ZCCHC7: variants seen among roughly 807,000 people sequenced by gnomAD.
ZCCHC7 encodes zinc finger CCHC-type containing 7.
In ZCCHC7, 35 loss-of-function variants were observed where a neutral mutation model predicts 52.0. The ratio of observed to expected loss-of-function variants is 0.67; its 90% CI spans 0.51 to 0.89. ZCCHC7 has a LOEUF of 0.89. ZCCHC7 is among the 40% of genes least tolerant of loss of function. The pLI is 0.00. For synonymous variants in ZCCHC7, 217 were observed against 221.5 expected, an observed-to-expected ratio of 0.98 and a Z score of 0.18; for missense variants, 574 against 649.1, an observed-to-expected ratio of 0.88 and a Z score of 1.26.
At chr9:37,249,806 T>C (rs1826240400) in intron 2 of ZCCHC7, among the ~76,000 whole-genome samples, 1 of 152,130 alleles carries the variant, frequency 6.6e-6, no homozygotes, top group Non-Finnish European at 1.5e-5. Flanking sequence ...CCACCATAAT[T>C]TATATGATCA....
Position 37,219,910 on chromosome 9 carries a change from G to A in ZCCHC7, c.611-82278G>A, listed in dbSNP as rs145324956. 5.9e-5 allele frequency among the ~76,000 whole-genome samples: 9 copies of A among 152,292 alleles called. No individual in the cohort carries two copies. In the East Asian group the frequency reaches 1.4e-3, roughly 23 times the overall value. On this transcript the variant is annotated intron_variant, in intron 2 of 8. Transcript: ENST00000336755. Reference sequence around the variant, plus strand: ...CAGAATTTGAATAGATATCAAGGACGTCAGGACATTCCTTGGGTGAGGAAG... The same window carrying A: ...CAGAATTTGAATAGATATCAAGGACATCAGGACATTCCTTGGGTGAGGAAG...
chr9:37,264,571 C>T (rs1827013836), intron 2 of ZCCHC7, among the ~76,000 whole-genome samples: 1 of 152,052 alleles, frequency 6.6e-6, no homozygotes, highest in Admixed American at 6.6e-5. Context: ...ATATTTGTTG[C>T]CTCATTAAAT....
intron 2 of ZCCHC7, among the ~76,000 whole-genome samples, chr9:37,221,454 A>G (rs1005182236): frequency 3.9e-5 from 6 of 152,230 alleles, no homozygotes; most frequent in Admixed American, 1.3e-4. Context: ...AACACTGGAA[A>G]TAGAGAAAAT....
intron 2 of ZCCHC7, among the ~76,000 whole-genome samples, chr9:37,297,298 A>G (rs1017774498): frequency 2.6e-5 from 4 of 152,190 alleles, no homozygotes; most frequent in African/African-American, 9.6e-5. Context: ...ATTCTACTAT[A>G]TGGTAAATTC....
intron 3 of ZCCHC7, among the ~76,000 whole-genome samples, chr9:37,303,171 T>C (rs751363128): frequency 2.0e-5 from 3 of 152,134 alleles, no homozygotes; most frequent in Non-Finnish European, 4.4e-5. Context: ...ACACCTGTAA[T>C]CCCAACACTT....
At chr9:37,135,949 T>C (rs1842980244) in intron 2 of ZCCHC7, among the ~76,000 whole-genome samples, 1 of 152,224 alleles carries the variant, frequency 6.6e-6, no homozygotes, top group African/African-American at 2.4e-5. Context: ...ACTGGATATC[T>C]AATTAAAATT....
chr9:37,178,239 T>G (rs746163853), intron 2 of ZCCHC7, among the ~76,000 whole-genome samples: 1 of 152,056 alleles, frequency 6.6e-6, no homozygotes, highest in Non-Finnish European at 1.5e-5. Context: ...CAGTCCAAAT[T>G]TATCACTCTT....
intron 6 of ZCCHC7, among the ~76,000 whole-genome samples, chr9:37,338,434 A>G (rs1830780899): frequency 6.6e-6 from 1 of 152,196 alleles, no homozygotes; most frequent in Non-Finnish European, 1.5e-5. Context: ...TTGACTACAT[A>G]AAATGAAGAC....
Position 37,143,528 on chromosome 9 carries a change from GT to G in ZCCHC7, c.610+16587del, listed in dbSNP as rs1408570114. 2.6e-5 allele frequency among the ~76,000 whole-genome samples: 4 copies of G among 151,234 alleles called. No homozygotes were observed. The East Asian group carries it at 5.8e-4, about 22-fold the overall frequency. ...CGTAGTTCCTGAAAAATAATATTCT[GT>G]GTATGAAAGAAAATAGGAGGTGAGA... is the stretch of plus-strand genomic sequence containing the variant. On this transcript the variant is annotated intron_variant, in intron 2 of 8. Transcript: ENST00000336755.
intron 5 of ZCCHC7, among the ~76,000 whole-genome samples, chr9:37,310,955 T>TCC (rs1172674529): frequency 2.2e-5 from 3 of 134,132 alleles, no homozygotes; most frequent in South Asian, 4.6e-4. Context: ...AGACTCTCTC[T>TCC]TTTTAAAAAA....
intron 2 of ZCCHC7, among the ~76,000 whole-genome samples, chr9:37,184,029 A>T (rs917278321): frequency 1.3e-5 from 2 of 152,120 alleles, no homozygotes; most frequent in East Asian, 3.9e-4. Context: ...TTGTGTTTGT[A>T]TTGTAATTGT....
chr9:37,163,800 T>G (rs2132924879), intron 2 of ZCCHC7, among the ~76,000 whole-genome samples: 1 of 152,344 alleles, frequency 6.6e-6, no homozygotes, highest in African/African-American at 2.4e-5. Context: ...TATAGAAATC[T>G]TACAGTTTTA....
At chr9:37,201,875 C>T (rs1262542736) in intron 2 of ZCCHC7, among the ~76,000 whole-genome samples, 3 of 152,188 alleles carry the variant, frequency 2.0e-5, no homozygotes, top group Non-Finnish European at 4.4e-5. Context: ...TTGCACTGGG[C>T]TTTGAAGACA....
chr9:37,137,668 G>T (rs1016719488), intron 2 of ZCCHC7, among the ~76,000 whole-genome samples: 11 of 152,112 alleles, frequency 7.2e-5, no homozygotes, highest in African/African-American at 2.7e-4. Context: ...GCTGTTTAAC[G>T]TGTATTTTGT....
intron 5 of ZCCHC7, among the ~76,000 whole-genome samples, chr9:37,319,847 T>A (rs1829981038): frequency 6.6e-6 from 1 of 152,240 alleles, no homozygotes; most frequent in South Asian, 2.1e-4. Context: ...TTTCTTTACA[T>A]ATGGTTGACC....
In ZCCHC7 at chr9:37,291,913, G is replaced by A. The variant is rs113533058; in HGVS notation, c.611-10275G>A. 4.3e-3 allele frequency among the ~76,000 whole-genome samples: 658 copies of A among 152,260 alleles called. 3 individuals are homozygous for A. The highest frequency in any genetic ancestry group is 0.015 in the African/African-American group (629 of 41,542). ...TCTCCATGTTGGTCAGGCTGGTCTCGAACTCCCGACCTCAGGTGATCCGCC... is the reference window on the plus strand; with the variant it reads ...TCTCCATGTTGGTCAGGCTGGTCTCAAACTCCCGACCTCAGGTGATCCGCC... On this transcript the variant is annotated intron_variant, in intron 2 of 8. Transcript: ENST00000336755.
intron 2 of ZCCHC7, among the ~76,000 whole-genome samples, chr9:37,169,923 C>CAA (rs1821636904): frequency 6.6e-6 from 1 of 151,870 alleles, no homozygotes. Context: ...AAAGATAGGG[C>CAA]TTGGTGGCAT....
rs537397832 is a variant in ZCCHC7, at chr9:37,284,405, T to C, written c.611-17783T>C. On this transcript the variant is annotated intron_variant, in intron 2 of 8. Transcript: ENST00000336755. ...TGTTTATACACACAAAAAAATACCT[T>C]TTTTGCATTTTATGTAGCCAGTCCT... is the stretch of plus-strand genomic sequence containing the variant. 4 of 152,324 alleles carry C rather than the reference T, an allele frequency of 2.6e-5. No homozygotes were observed. In the East Asian group the frequency reaches 7.7e-4, roughly 29 times the overall value. The allele number at this position is 152,324 out of a possible 1,614,324, so 9.4% of individuals were successfully genotyped here. A position where few individuals can be genotyped will look rare whatever the true frequency, so the allele number is the denominator to read the frequency against.
intron 2 of ZCCHC7, among the ~76,000 whole-genome samples, chr9:37,129,680 A>G (rs1239395710): frequency 6.6e-6 from 1 of 151,984 alleles, no homozygotes; most frequent in Non-Finnish European, 1.5e-5. Context: ...CCTTGACCTC[A>G]CTCAAGAAAA....
Sources: gnomAD v4.1 joint callset for allele counts (sites outside exome capture counted in the v4.1 genomes callset) on GRCh38, gnomAD v4.1.1 for gene constraint, MANE v1.5 for transcripts, NCBI Gene and HGNC (gene_info 2026-07-23, HGNC 2026-07-21) for gene names.